The following TPCN1 variants were observed in gnomAD, a reference collection of about 807,000 sequenced individuals.
TPCN1 encodes two pore segment channel 1.
In TPCN1, 52 loss-of-function variants were observed where a neutral mutation model predicts 108.8. The observed-to-expected ratio is 0.48, with a 90% CI of 0.38 to 0.60. The LOEUF (loss-of-function observed/expected upper bound fraction) is 0.60, where lower values mean the gene tolerates loss of function less well. Among genes scored for constraint, TPCN1 ranks in the 20% least tolerant of loss-of-function variants. TPCN1 has a pLI of 0.00. For missense variants in TPCN1, 806 were observed against 1,072.8 expected, an observed-to-expected ratio of 0.75 and a Z score of 3.47; for synonymous variants, 446 against 433.7, an observed-to-expected ratio of 1.03 and a Z score of -0.35.
rs1359387675 is a variant in TPCN1 at position 113,231,653 on chromosome 12, A to T, written c.112+4689A>T. Among the ~76,000 whole-genome samples, 1 of 152,196 alleles carries T rather than the reference A, an allele frequency of 6.6e-6. No individual in the cohort carries two copies. Among genetic ancestry groups the T allele is most frequent in the Non-Finnish European group, 1.5e-5 (1 of 68,040 alleles). On this transcript the variant is annotated intron_variant, in intron 2 of 27. Transcript: ENST00000335509. This position sits in a 1 kb window ranked among gnomAD's most constrained non-coding sequence, Gnocchi z 4.3. ...CCCTATGTGAGGGCCTTATCCCTGC[A>T]GGAAACTGGAGGGTTTGGGTTTTTC...
intron 13 of TPCN1, 34 bp from the exon 14 acceptor site, chr12:113,278,738 T>G: frequency 6.2e-7 from 1 of 1,605,604 alleles, no homozygotes; most frequent in Non-Finnish European, 8.5e-7. Context: ...TCCCTGGCCC[T>G]GACACCCTCC....
intron 3 of TPCN1, among the ~76,000 whole-genome samples, chr12:113,263,773 G>A (rs1955136194): frequency 6.6e-6 from 1 of 152,234 alleles, no homozygotes; most frequent in Non-Finnish European, 1.5e-5. Flanking sequence ...TCATTTCTGT[G>A]TGGACTTGGA....
chr12:113,278,608 G>A (rs1048267962), intron 13 of TPCN1, among the ~76,000 whole-genome samples, 164 bp from the exon 14 acceptor site: 29 of 152,156 alleles, frequency 1.9e-4, no homozygotes, highest in African/African-American at 6.8e-4. Flanking sequence ...CATTGTAAAC[G>A]CTCGGTACAC....
At chr12:113,256,329 C>T (rs547019516) in intron 2 of TPCN1, among the ~76,000 whole-genome samples, 1 of 151,376 alleles carries the variant, frequency 6.6e-6, no homozygotes, top group South Asian at 2.1e-4. Context: ...ACTATATTCC[C>T]CAGGCTGGGT....
chr12:113,264,405 A>G lies in TPCN1; in HGVS notation c.238-1775A>G, dbSNP rs559020248. On this transcript the variant is annotated intron_variant, in intron 3 of 27. Transcript: ENST00000335509. Reference sequence around the variant, plus strand: ...ATAAGTTTGTGAGAATGGGCCGAGCATGGTGGCTCACACCTGTAATCCCAG... The same window carrying G: ...ATAAGTTTGTGAGAATGGGCCGAGCGTGGTGGCTCACACCTGTAATCCCAG... Among the ~76,000 whole-genome samples the G allele has an allele frequency of 3.9e-5, 6 of 152,276 alleles. No individual in the cohort carries two copies. The East Asian group carries it at 1.2e-3, about 29-fold the overall frequency.
Position 113,268,055 on chromosome 12 carries a change from C to T in TPCN1, c.528+99C>T. On this transcript the variant is annotated intron_variant, in intron 5 of 27. Transcript: ENST00000335509. This position sits in a 1 kb window ranked among gnomAD's most constrained non-coding sequence, Gnocchi z 7.3. ...TACAATTCAGAATCCACCATGGGCC[C>T]AGTCCATGCTCAGAGGTGTAACCCT... is the stretch of plus-strand genomic sequence containing the variant. The T allele has an allele frequency of 2.3e-6, 2 of 868,466 alleles. No homozygotes were observed. The highest frequency in any genetic ancestry group is 2.6e-5 in the East Asian group (1 of 37,806). The allele number at this position is 868,466 out of a possible 1,614,324, so 53.8% of individuals were successfully genotyped here.
At chr12:113,280,858 G>A (rs1955863870) in intron 15 of TPCN1, among the ~76,000 whole-genome samples, 1 of 152,162 alleles carries the variant, frequency 6.6e-6, no homozygotes. Flanking sequence ...CACAATTCGA[G>A]GTGCTGGGTG....
chr12:113,225,415 G>A (rs1030795174), intron 1 of TPCN1: 1 of 336,930 alleles, frequency 3.0e-6, no homozygotes, highest in African/African-American at 2.2e-5. Context: ...GAGAAGTGGA[G>A]GTAGGACATA....
chr12:113,223,582 C>T (rs538152435), intron 1 of TPCN1, among the ~76,000 whole-genome samples: 8 of 152,222 alleles, frequency 5.3e-5, no homozygotes, highest in African/African-American at 9.6e-5. Context: ...CTCGCTCTGT[C>T]GCCCAGGCTG....
intron 2 of TPCN1, among the ~76,000 whole-genome samples, chr12:113,251,784 G>A (rs1593121553): frequency 6.6e-6 from 1 of 152,258 alleles, no homozygotes; most frequent in East Asian, 1.9e-4. Context: ...GTCTTTTTCT[G>A]CAGGCAAGCC....
intron 3 of TPCN1, among the ~76,000 whole-genome samples, chr12:113,261,033 A>G (rs1335534439): frequency 6.6e-6 from 1 of 152,102 alleles, no homozygotes; most frequent in Admixed American, 6.5e-5. Flanking sequence ...TCTCTACTAA[A>G]AATACAAAAA....
chr12:113,258,615 C>A (rs532715122), intron 2 of TPCN1, among the ~76,000 whole-genome samples: 1 of 152,196 alleles, frequency 6.6e-6, no homozygotes, highest in African/African-American at 2.4e-5. Context: ...GACTCCACCT[C>A]TATAAAAATA....
chr12:113,230,133 C>G (rs1953630506), intron 2 of TPCN1, among the ~76,000 whole-genome samples: 1 of 152,152 alleles, frequency 6.6e-6, no homozygotes, highest in Non-Finnish European at 1.5e-5. Context: ...GAAGCCTTCA[C>G]TGAACTTCCC....
At chr12:113,249,352 A>G (rs1032839995) in intron 2 of TPCN1, 5 of 152,260 alleles carry the variant, frequency 3.3e-5, no homozygotes, top group African/African-American at 1.2e-4. Context: ...CAGCGGAGCC[A>G]CCCCCTACAT....
Position 113,221,478 on chromosome 12 carries a change from G to T in TPCN1, c.-274G>T, listed in dbSNP as rs555738784. On this transcript the variant is annotated 5_prime_UTR_variant, in exon 1 of 28. Transcript: ENST00000335509. Reference sequence around the variant, plus strand: ...GGTGGATAGGAGAGCTGGCGCAGCTGCCCTGGTGGCAGTGGCTGAAGTGGC... The same window carrying T: ...GGTGGATAGGAGAGCTGGCGCAGCTTCCCTGGTGGCAGTGGCTGAAGTGGC... The T allele has an allele frequency of 2.5e-5, 8 of 314,938 alleles. No homozygotes were observed. Among genetic ancestry groups the T allele is most frequent in the Non-Finnish European group, 3.9e-5 (6 of 154,620 alleles). 19.5% of individuals were successfully genotyped at this position (314,938 alleles called of 1,614,324 possible).
rs1956448210 is a variant in TPCN1, at chr12:113,296,975, T to A, written c.*899T>A. On this transcript the variant is annotated 3_prime_UTR_variant, in exon 28 of 28. Transcript: ENST00000335509. ...TGTGCTAAAGCCGATACCAGGTCCT[T>A]CACACGTGTGCACTAGGAACAGGAG... 1 of 152,228 alleles carries A rather than the reference T, an allele frequency of 6.6e-6. No homozygotes were observed. Among genetic ancestry groups the A allele is most frequent in the Admixed American group, 6.5e-5 (1 of 15,286 alleles). 9.4% of individuals were successfully genotyped at this position (152,228 alleles called of 1,614,324 possible).
chr12:113,290,910 T>G, intron 22 of TPCN1, 42 bp from the exon 23 acceptor site: 1 of 1,604,454 alleles, frequency 6.2e-7, no homozygotes, highest in Non-Finnish European at 8.5e-7. Flanking sequence ...GACTTTGAAG[T>G]GGGGTCTCAT....
rs1955348221 is a variant in TPCN1, at chr12:113,268,193, CCTT to C, written c.528+239_528+241del. Among the ~76,000 whole-genome samples, 1 of 152,176 alleles carries C rather than the reference CCTT, an allele frequency of 6.6e-6. No individual in the cohort carries two copies. Among genetic ancestry groups the C allele is most frequent in the Non-Finnish European group, 1.5e-5 (1 of 68,022 alleles). ...TACCTGCCAGGCACTGGCGCAGTCA[CCTT>C]CGAGAGAGATGTGCTGCTCTCCGTG... On this transcript the variant is annotated intron_variant, in intron 5 of 27. Transcript: ENST00000335509. The surrounding 1 kb of genome is among the most constrained non-coding windows in gnomAD (Gnocchi z 7.3).
chr12:113,289,042 C>G lies in TPCN1; in HGVS notation c.1796+195C>G. ...GCCTGGACTCGGGGTCCCTGTTTCT[C>G]CATCCCCCAGGCAGGGTTGGGAGCT... is the stretch of plus-strand genomic sequence containing the variant. On this transcript the variant is annotated intron_variant, in intron 21 of 27. Transcript: ENST00000335509. This position sits in a 1 kb window ranked among gnomAD's most constrained non-coding sequence, Gnocchi z 4.1. 6.6e-6 allele frequency among the ~76,000 whole-genome samples: 1 copy of G among 152,218 alleles called. No homozygotes were observed. The highest frequency in any genetic ancestry group is 6.5e-5 in the Admixed American group (1 of 15,278).
Sources: gnomAD v4.1 joint callset for allele counts (sites outside exome capture counted in the v4.1 genomes callset) on GRCh38, gnomAD v4.1.1 for gene constraint, Gnocchi (gnomAD v3.1) non-coding constraint, MANE v1.5 for transcripts, NCBI Gene and HGNC (gene_info 2026-07-23, HGNC 2026-07-21) for gene names.